Variants in CYP7B1 observed in about 807,000 individuals in gnomAD.
CYP7B1 encodes the protein cytochrome P450 family 7 subfamily B member 1.
In CYP7B1, 29 loss-of-function variants were observed where a neutral mutation model predicts 42.7. The observed-to-expected ratio is 0.68, with a 90% CI of 0.51 to 0.93. The LOEUF (loss-of-function observed/expected upper bound fraction) is 0.93, where lower values mean the gene tolerates loss of function less well. Among genes scored for constraint, CYP7B1 ranks in the 40% least tolerant of loss-of-function variants. The probability of loss-of-function intolerance (pLI) is 0.00; values close to 1 mark genes in which losing one functional copy is unlikely to be tolerated. For missense variants in CYP7B1, 655 were observed against 600.5 expected, an observed-to-expected ratio of 1.09 and a Z score of -0.95; for synonymous variants, 235 against 218.2, an observed-to-expected ratio of 1.08 and a Z score of -0.68.
At chr8:64,713,889 A>G (rs2129632718) in intron 1 of CYP7B1, among the ~76,000 whole-genome samples, 1 of 152,314 alleles carries the variant, frequency 6.6e-6, no homozygotes, top group Non-Finnish European at 1.5e-5. Flanking sequence ...CATTTTAAAT[A>G]TATTAAGAAT....
At chr8:64,790,024 C>T (rs1804592252) in intron 1 of CYP7B1, among the ~76,000 whole-genome samples, 3 of 152,102 alleles carry the variant, frequency 2.0e-5, no homozygotes, top group Non-Finnish European at 2.9e-5. Context: ...GAGCAGTCTA[C>T]GGAACCTAGC....
intron 1 of CYP7B1, among the ~76,000 whole-genome samples, chr8:64,643,182 C>T (rs377562533): frequency 2.2e-5 from 3 of 139,374 alleles, no homozygotes; most frequent in African/African-American, 5.4e-5. Flanking sequence ...CATATATATA[C>T]ATATATATAT....
intron 1 of CYP7B1, among the ~76,000 whole-genome samples, chr8:64,730,448 G>T (rs1807391977): frequency 6.6e-6 from 1 of 152,008 alleles, no homozygotes; most frequent in Admixed American, 6.6e-5. Context: ...GAGACAAGAA[G>T]GCAACAAAGG....
At chr8:64,615,594 C>A in intron 3 of CYP7B1, 97 bp downstream of exon 3, 2 of 1,132,840 alleles carry the variant, frequency 1.8e-6, no homozygotes, top group Non-Finnish European at 1.3e-6. Flanking sequence ...TTAGAAAGAG[C>A]ATAAAAAATT....
rs1164558332 is a variant in CYP7B1 at position 64,736,878 on chromosome 8, TA to T, written c.122+61587del. ...TGTCTACTGTCTATAACAGATATGT[TA>T]TTTTAAATTTTTACCTAGTAATACT... On this transcript the variant is annotated intron_variant, in intron 1 of 5. Coordinates refer to ENST00000310193, the MANE Select transcript of CYP7B1 (RefSeq NM_004820.5). Among the ~76,000 whole-genome samples, 45 of 152,334 alleles carry T rather than the reference TA, an allele frequency of 3.0e-4. No homozygotes were observed. In the East Asian group the frequency reaches 6.4e-3, roughly 22 times the overall value.
At chr8:64,783,487 T>A (rs1340924540) in intron 1 of CYP7B1, among the ~76,000 whole-genome samples, 1 of 151,928 alleles carries the variant, frequency 6.6e-6, no homozygotes, top group Non-Finnish European at 1.5e-5. Flanking sequence ...GAGGGGAGTA[T>A]AATGATATGT....
intron 5 of CYP7B1, among the ~76,000 whole-genome samples, chr8:64,598,897 C>T (rs1338905966): frequency 2.0e-5 from 3 of 152,182 alleles, no homozygotes; most frequent in African/African-American, 4.8e-5. Flanking sequence ...GTGACCAACA[C>T]CAAGTTCAAA....
chr8:64,621,313 A>G (rs1805526069), intron 2 of CYP7B1, among the ~76,000 whole-genome samples: 1 of 152,236 alleles, frequency 6.6e-6, no homozygotes, highest in Non-Finnish European at 1.5e-5. Context: ...GTTGGTAATA[A>G]CTTCACAATG....
chr8:64,759,206 T>C (rs756968009), intron 1 of CYP7B1, among the ~76,000 whole-genome samples: 1 of 152,188 alleles, frequency 6.6e-6, no homozygotes, highest in Non-Finnish European at 1.5e-5. Context: ...AAACTAGTGA[T>C]TACATCAGGG....
At chr8:64,787,239 T>C (rs1408389067) in intron 1 of CYP7B1, among the ~76,000 whole-genome samples, 1 of 152,086 alleles carries the variant, frequency 6.6e-6, no homozygotes, top group Non-Finnish European at 1.5e-5. Context: ...TTCTCTAAAA[T>C]GTTTTTTCTT....
intron 1 of CYP7B1, among the ~76,000 whole-genome samples, chr8:64,757,768 A>G (rs1398831831): frequency 2.6e-5 from 4 of 152,222 alleles, no homozygotes; most frequent in East Asian, 1.9e-4. Flanking sequence ...GGACATTCCA[A>G]TAAAACCCTG....
chr8:64,693,553 A>G (rs1003938941), intron 1 of CYP7B1, among the ~76,000 whole-genome samples: 18 of 152,220 alleles, frequency 1.2e-4, no homozygotes, highest in Admixed American at 5.2e-4. Flanking sequence ...AATAAACTGT[A>G]TTGTGTATAT....
chr8:64,775,904 C>G (rs1198970510), intron 1 of CYP7B1, among the ~76,000 whole-genome samples: 6 of 152,064 alleles, frequency 3.9e-5, no homozygotes, highest in Non-Finnish European at 7.4e-5. Context: ...ATATCATTCC[C>G]AAATGATTAT....
At chr8:64,654,231 AT>A (rs1366887949) in intron 1 of CYP7B1, among the ~76,000 whole-genome samples, 5 of 152,214 alleles carry the variant, frequency 3.3e-5, no homozygotes, top group Admixed American at 1.3e-4. Context: ...AAGTCAAACT[AT>A]CCCTGTTTGC....
chr8:64,651,703 CT>C (rs1181642393), intron 1 of CYP7B1, among the ~76,000 whole-genome samples: 6 of 152,202 alleles, frequency 3.9e-5, no homozygotes, highest in Non-Finnish European at 7.3e-5. Context: ...TCCCTTACCT[CT>C]TCTGCCATAT....
chr8:64,620,513 T>A (rs1453736136), intron 2 of CYP7B1, among the ~76,000 whole-genome samples: 1 of 152,220 alleles, frequency 6.6e-6, no homozygotes, highest in Non-Finnish European at 1.5e-5. Flanking sequence ...TTTACATGGT[T>A]TCTCATGAAA....
At chr8:64,588,868 G>C (rs1805001083), downstream of CYP7B1, among the ~76,000 whole-genome samples, 1 of 152,236 alleles carries the variant, frequency 6.6e-6, no homozygotes, top group African/African-American at 2.4e-5. Flanking sequence ...CCACAGAAAT[G>C]TGAAGAGTTG....
intron 2 of CYP7B1, among the ~76,000 whole-genome samples, chr8:64,618,272 A>G (rs1393734007): frequency 2.0e-5 from 3 of 152,026 alleles, no homozygotes; most frequent in Non-Finnish European, 4.4e-5. Flanking sequence ...GGTGATTCAT[A>G]CTTTTCTCCT....
At chr8:64,710,867 T>C (rs1807069493) in intron 1 of CYP7B1, among the ~76,000 whole-genome samples, 2 of 151,540 alleles carry the variant, frequency 1.3e-5, no homozygotes, top group Non-Finnish European at 1.5e-5. Flanking sequence ...AGCTTCATAT[T>C]TGAAAATACA....
Sources: allele counts gnomAD v4.1 joint callset (sites outside exome capture counted in the v4.1 genomes callset), GRCh38; gene constraint gnomAD v4.1.1; transcripts MANE v1.5; gene names NCBI Gene and HGNC (gene_info 2026-07-23, HGNC 2026-07-21).